ADK: variants seen among roughly 807,000 people sequenced by gnomAD.
The protein encoded by ADK is N6,N6-dimethyladenosine kinase.
In ADK, 24 loss-of-function variants were observed where a neutral mutation model predicts 44.7. The observed-to-expected ratio is 0.54, with a 90% CI of 0.39 to 0.76. The LOEUF is 0.76. Ranked by LOEUF, ADK falls within the 30% of genes least tolerant of loss-of-function variation. The probability of loss-of-function intolerance (pLI) is 0.00; values close to 1 mark genes in which losing one functional copy is unlikely to be tolerated. For synonymous variants in ADK, 128 were observed against 142.6 expected (o/e 0.90, Z 0.73); for missense variants, 321 against 425.1 (o/e 0.76, Z 2.15).
At chr10:74,533,759 A>G (rs892605413) in intron 7 of ADK, among the ~76,000 whole-genome samples, 4 of 152,200 alleles carry the variant, frequency 2.6e-5, no homozygotes, top group African/African-American at 9.7e-5. Flanking sequence ...CAAATGACCT[A>G]GCTATCCCAC....
intron 6 of ADK, among the ~76,000 whole-genome samples, chr10:74,502,925 T>C (rs1361644579): frequency 6.6e-6 from 1 of 152,240 alleles, no homozygotes; most frequent in African/African-American, 2.4e-5. Context: ...TAAATCTGCC[T>C]TAGTTTTCAA....
chr10:74,248,069 G>A (rs958867161), intron 3 of ADK, among the ~76,000 whole-genome samples: 5 of 152,104 alleles, frequency 3.3e-5, no homozygotes, highest in Non-Finnish European at 7.4e-5. Context: ...TTAAAACTAT[G>A]TCATAAAGAA....
At chr10:74,684,736 C>T (rs1055177429) in intron 10 of ADK, among the ~76,000 whole-genome samples, 9 of 152,162 alleles carry the variant, frequency 5.9e-5, no homozygotes, top group African/African-American at 2.2e-4. Flanking sequence ...CACACCACTG[C>T]ATTCCAGTCT....
At chr10:74,405,712 C>T (rs1032413447) in intron 6 of ADK, among the ~76,000 whole-genome samples, 2 of 152,044 alleles carry the variant, frequency 1.3e-5, no homozygotes, top group Admixed American at 6.6e-5. Context: ...GCCTCCTACC[C>T]GTCCGTGGAA....
intron 6 of ADK, among the ~76,000 whole-genome samples, chr10:74,502,498 G>A (rs1048907182): frequency 1.3e-5 from 2 of 151,934 alleles, no homozygotes; most frequent in Admixed American, 6.6e-5. Flanking sequence ...CTTATGAACT[G>A]CAACCTTCTA....
chr10:74,676,506 T>G (rs1855398581), intron 10 of ADK, among the ~76,000 whole-genome samples: 1 of 152,186 alleles, frequency 6.6e-6, no homozygotes, highest in Admixed American at 6.6e-5. Context: ...AGATGGGGTC[T>G]CACTCTGTCA....
chr10:74,221,207 G>A (rs1844293841), intron 2 of ADK, among the ~76,000 whole-genome samples: 1 of 151,752 alleles, frequency 6.6e-6, no homozygotes, highest in African/African-American at 2.4e-5. Flanking sequence ...AAAATCACAA[G>A]CATTTTTATA....
chr10:74,201,953 C>T (rs566203270), intron 2 of ADK, among the ~76,000 whole-genome samples: 2 of 152,082 alleles, frequency 1.3e-5, no homozygotes, highest in South Asian at 2.1e-4. Flanking sequence ...TAAAATTGAT[C>T]GTTTTAACCA....
At chr10:74,535,031 T>C (rs1006725375) in intron 7 of ADK, among the ~76,000 whole-genome samples, 5 of 152,174 alleles carry the variant, frequency 3.3e-5, no homozygotes, top group Admixed American at 6.6e-5. Context: ...TAAATACATA[T>C]GAGTTATTTT....
intron 6 of ADK, among the ~76,000 whole-genome samples, chr10:74,496,947 C>G (rs1314079024): frequency 1.3e-5 from 2 of 151,944 alleles, no homozygotes; most frequent in African/African-American, 4.8e-5. Context: ...CCAAACAGAA[C>G]CTATTCTGTT....
At chr10:74,179,983 C>G (rs1842474277) in intron 1 of ADK, among the ~76,000 whole-genome samples, 1 of 152,086 alleles carries the variant, frequency 6.6e-6, no homozygotes. Flanking sequence ...CCCCCTTTTA[C>G]TGATAAGCTG....
At chr10:74,271,409 G>GT (rs1564626657) in intron 3 of ADK, among the ~76,000 whole-genome samples, 1 of 151,714 alleles carries the variant, frequency 6.6e-6, no homozygotes, top group East Asian at 1.9e-4. Context: ...TGTTGTTGTT[G>GT]TTTTTTCTTA....
chr10:74,682,240 T>C (rs1301721780), intron 10 of ADK, among the ~76,000 whole-genome samples: 1 of 152,256 alleles, frequency 6.6e-6, no homozygotes, highest in African/African-American at 2.4e-5. Flanking sequence ...TTTAAATTGA[T>C]GGGCTTTTGG....
intron 4 of ADK, among the ~76,000 whole-genome samples, chr10:74,386,421 T>G (rs1404701300): frequency 6.6e-6 from 1 of 152,198 alleles, no homozygotes; most frequent in Non-Finnish European, 1.5e-5. Flanking sequence ...AATATTGCAT[T>G]TAGGTAATAA....
chr10:74,421,439 A>T (rs1844552245), intron 6 of ADK, among the ~76,000 whole-genome samples: 1 of 152,190 alleles, frequency 6.6e-6, no homozygotes. Context: ...AGTTGGAGAT[A>T]TAAGTATTTA....
At chr10:74,521,755 A>G (rs901601031) in intron 6 of ADK, among the ~76,000 whole-genome samples, 2 of 152,216 alleles carry the variant, frequency 1.3e-5, no homozygotes, top group Admixed American at 1.3e-4. Flanking sequence ...AAGTGACAGA[A>G]ATAGCAAAGC....
At chr10:74,501,268 A>G (rs768288223) in intron 6 of ADK, among the ~76,000 whole-genome samples, 2 of 152,220 alleles carry the variant, frequency 1.3e-5, no homozygotes, top group Admixed American at 6.5e-5. Context: ...AAATATGGCC[A>G]AAAAGAAGAA....
At chr10:74,566,365 C>G (rs1054563846) in intron 7 of ADK, among the ~76,000 whole-genome samples, 2 of 151,990 alleles carry the variant, frequency 1.3e-5, no homozygotes, top group African/African-American at 4.8e-5. Context: ...CACCACCACA[C>G]CCGGCTATGT....
At chr10:74,196,059 C>T (rs1297128140) in intron 1 of ADK, among the ~76,000 whole-genome samples, 1 of 152,032 alleles carries the variant, frequency 6.6e-6, no homozygotes, top group Non-Finnish European at 1.5e-5. Flanking sequence ...ATGCCTCAGC[C>T]TCCCAAAGTG....
Sources: allele counts gnomAD v4.1 joint callset (sites outside exome capture counted in the v4.1 genomes callset), GRCh38; gene constraint gnomAD v4.1.1; transcripts MANE v1.5; gene names NCBI Gene and HGNC (gene_info 2026-07-23, HGNC 2026-07-21).